C7orf25: variants seen among roughly 807,000 people sequenced by gnomAD.
The protein encoded by C7orf25 is chromosome 7 open reading frame 25, also known as UPF0415 protein C7orf25.
A neutral mutation model predicts 25.5 loss-of-function variants in C7orf25; 14 were observed. The ratio of observed to expected loss-of-function variants is 0.55; its 90% CI spans 0.36 to 0.86. The LOEUF is 0.86. Ranked by LOEUF, C7orf25 falls within the 40% of genes least tolerant of loss-of-function variation. The pLI is 0.01. For missense variants in C7orf25, 405 were observed against 493.9 expected (o/e 0.82, Z 1.71); for synonymous variants, 184 against 179.9 (o/e 1.02, Z -0.18).
Position 42,910,016 on chromosome 7 carries a change from A to G in C7orf25, c.885T>C (p.Phe295=). ...KEQVLPQLEA[F]MKDKELFACE... The stretch of plus-strand genomic sequence containing the variant: ...AAGCAAACAACTCCTTGTCCTTCAT[A>G]AAGGCCTCCAGCTGAGGTAGAACCT... The change falls in exon 2 of 2, where the codon TTT becomes TTC. Residue 295 remains phenylalanine, a synonymous_variant. Transcript: ENST00000350427. 6.2e-7 allele frequency: 1 copy of G among 1,614,136 alleles called. No individual in the cohort carries two copies.
At chr7:42,911,772 C>A in intron 1 of C7orf25, 143 bp downstream of exon 1, 1 of 1,241,254 alleles carries the variant, frequency 8.1e-7, no homozygotes, top group Non-Finnish European at 1.0e-6. Flanking sequence ...AAAGCCCCCA[C>A]CGCCAGCGCC....
chr7:42,911,700 G>GGGCCCTC, intron 1 of C7orf25: 5 of 1,167,482 alleles, frequency 4.3e-6, no homozygotes, highest in Non-Finnish European at 5.3e-6. Flanking sequence ...GTGGGCTGCG[G>GGGCCCTC]GGCCCTCGGC....
chr7:42,911,132 C>G lies in C7orf25; in HGVS notation c.-21-211G>C, dbSNP rs561929379. 3.5e-6 allele frequency: 3 copies of G among 851,812 alleles called. No individual in the cohort carries two copies. The South Asian group carries it at 4.3e-5, about 12-fold the overall frequency. 52.8% of individuals were successfully genotyped at this position (851,812 alleles called of 1,614,324 possible). On this transcript the variant is annotated intron_variant, in intron 1 of 1. Coordinates refer to ENST00000350427, the MANE Select transcript of C7orf25 (RefSeq NM_001099858.2). ...ACACTTTTGAACTCTTCTTTAGGTA[C>G]GTCTGACACACTTTAGACCTTCATT...
chr7:42,911,949 G>C lies in C7orf25; in HGVS notation c.-56C>G. 1.3e-6 allele frequency: 2 copies of C among 1,487,614 alleles called. No individual in the cohort carries two copies. The highest frequency in any genetic ancestry group is 2.1e-4 in the Middle Eastern group (1 of 4,770). 92.2% of individuals were successfully genotyped at this position (1,487,614 alleles called of 1,614,324 possible). On this transcript the variant is annotated 5_prime_UTR_variant, in exon 1 of 2. Coordinates refer to ENST00000350427, the MANE Select transcript of C7orf25 (RefSeq NM_001099858.2). ...CAGAACCGCGAGCGCGAGCACGCAG[G>C]CGCGTGCACGCAGAGGCCGGGACCC... is the stretch of plus-strand genomic sequence containing the variant.
chr7:42,910,650 T>G lies in C7orf25; in HGVS notation c.251A>C (p.Glu84Ala). 6.2e-7 allele frequency: 1 copy of G among 1,614,146 alleles called. No individual in the cohort carries two copies. The highest frequency in any genetic ancestry group is 8.5e-7 in the Non-Finnish European group (1 of 1,180,048). ...AIVESAENLE[E>A]VVSVLHVFGY... ...AAAGACATGAAGAACACTAACAACT[T>G]CTTCCAGGTTTTCTGCTGATTCCAC... The change falls in exon 2 of 2, where the codon GAA becomes GCA. Residue 84 changes from glutamate (E) to alanine (A), a missense_variant. Physicochemically the swap from Glu to Ala is moderately radical, Grantham distance 107 (BLOSUM62 -1). Coordinates refer to ENST00000350427, the MANE Select transcript of C7orf25 (RefSeq NM_001099858.2).
At position 42,910,324 on chromosome 7, in the gene C7orf25, C is replaced by G; in HGVS notation, c.577G>C (p.Val193Leu). Residue 193 changes from valine to leucine, a missense_variant, in exon 2 of 2, where the codon GTA becomes CTA. Transcript: ENST00000350427. The stretch of plus-strand genomic sequence containing the variant: ...TGATCTAACAGAGCGTTGACTGCTA[C>G]TATGTCTCCTCTCACAGATATGCCC... ...EMGISVRGDI[V>L]AVNALLDHPE... 1 of 1,614,208 alleles carries G rather than the reference C, an allele frequency of 6.2e-7. No individual in the cohort carries two copies. The highest frequency in any genetic ancestry group is 1.1e-5 in the South Asian group (1 of 91,084).
Position 42,910,235 on chromosome 7 carries a change from C to A in C7orf25, c.666G>T (p.Val222=), listed in dbSNP as rs1173896750. The A allele has an allele frequency of 6.2e-7, 1 of 1,614,100 alleles. No homozygotes were observed. The highest frequency in any genetic ancestry group is 2.2e-5 in the East Asian group (1 of 44,898). The change falls in exon 2 of 2, where the codon GTG becomes GTT. Residue 222 remains valine (V), a synonymous_variant. Transcript: ENST00000350427. ...GTATATTTTCTCGGTCAACTCTGGT[C>A]ACCTGCAAAAGTTCAGGGCCCTCAT... ...SDDEGPELLQ[V]TRVDRENILA...
chr7:42,910,976 T>A, intron 1 of C7orf25, 55 bp from the exon 2 acceptor site: 3 of 1,601,804 alleles, frequency 1.9e-6, no homozygotes, highest in Non-Finnish European at 2.5e-6. Context: ...TGACAATCAA[T>A]TCTTCACTGG....
Position 42,910,863 on chromosome 7 carries a change from A to G in C7orf25, c.38T>C (p.Ile13Thr). The G allele has an allele frequency of 1.2e-6, 2 of 1,614,098 alleles. No homozygotes were observed. The highest frequency in any genetic ancestry group is 1.7e-6 in the Non-Finnish European group (2 of 1,180,046). The change falls in exon 2 of 2, where the codon ATA becomes ACA. Residue 13 changes from isoleucine (I) to threonine (T), a missense_variant. Coordinates refer to ENST00000350427, the MANE Select transcript of C7orf25 (RefSeq NM_001099858.2). ...TGCTCTCTTGATCAGTTCCTTGGCT[A>G]TGGCGATTCGTTCACAGAGCATGGA... ...AHSMLCERIA[I>T]AKELIKRAES...
At chr7:42,911,379 C>T in intron 1 of C7orf25, 4 of 1,069,220 alleles carry the variant, frequency 3.7e-6, no homozygotes, top group Non-Finnish European at 4.6e-6. Flanking sequence ...AAACTGAGCA[C>T]TTCAGCCTCC....
In C7orf25 at chr7:42,912,045, G is replaced by C; in HGVS notation, c.-152C>G. 1 of 1,461,586 alleles carries C rather than the reference G, an allele frequency of 6.8e-7. No individual in the cohort carries two copies. The highest frequency in any genetic ancestry group is 9.0e-7 in the Non-Finnish European group (1 of 1,114,854). The allele number at this position is 1,461,586 out of a possible 1,614,324, so 90.5% of individuals were successfully genotyped here. On this transcript the variant is annotated 5_prime_UTR_variant, in exon 1 of 2. Transcript: ENST00000350427. ...AGGCGGCTCCACCCGCGCGAGCCCC[G>C]CCGCCTCGGGCACCTCCTGCATCAC...
In C7orf25 at chr7:42,910,048, TC is replaced by T; in HGVS notation, c.852del (p.Glu286SerfsTer11). ...KVLTEQAEQE[R>X]KEQVLPQLEA... ...TCCAGCTGAGGTAGAACCTGCTCTT[TC>T]CTCTCTTGCTCTGCTTGTTCTGTGA... On this transcript the variant is annotated frameshift_variant, in exon 2 of 2. Transcript: ENST00000350427. LOFTEE classifies it high-confidence loss of function. The T allele has an allele frequency of 1.9e-6, 3 of 1,614,206 alleles. No individual in the cohort carries two copies. The highest frequency in any genetic ancestry group is 2.5e-6 in the Non-Finnish European group (3 of 1,180,048).
rs184417612 is a variant in C7orf25, at chr7:42,909,548, T to C, written c.*87A>G. 2.2e-3 allele frequency: 3,035 copies of C among 1,404,422 alleles called. 60 individuals carry two copies. Among genetic ancestry groups the C allele is most frequent in the Non-Finnish European group, 2.6e-4 (269 of 1,037,022 alleles). The allele number at this position is 1,404,422 out of a possible 1,614,324, so 87.0% of individuals were successfully genotyped here. A position where few individuals can be genotyped will look rare whatever the true frequency, so the allele number is the denominator to read the frequency against. ...AGAGTTCTCAGTTTTACTTTTACTA[T>C]AGACCTTTTTTCCCACCAGTTTAGA... On this transcript the variant is annotated 3_prime_UTR_variant, in exon 2 of 2. Coordinates refer to ENST00000350427, the MANE Select transcript of C7orf25 (RefSeq NM_001099858.2).
At chr7:42,911,540 A>C in intron 1 of C7orf25, 1 of 1,001,892 alleles carries the variant, frequency 1.0e-6, no homozygotes, top group South Asian at 4.6e-5. Context: ...ACCGAAGAAG[A>C]CCACCAACTT....
At position 42,909,301 on chromosome 7, in the gene C7orf25, G is replaced by A. The variant is rs1130010; in HGVS notation, c.*334C>T. The A allele has an allele frequency of 0.038, 8,159 of 215,036 alleles. 270 individuals carry two copies. The highest frequency in any genetic ancestry group is 0.096 in the East Asian group (926 of 9,644). The allele number at this position is 215,036 out of a possible 1,614,324, so 13.3% of individuals were successfully genotyped here. A position where few individuals can be genotyped will look rare whatever the true frequency, so the allele number is the denominator to read the frequency against. On this transcript the variant is annotated 3_prime_UTR_variant, in exon 2 of 2. Transcript: ENST00000350427. ...AATTTTCTCCAGATATTTAATGCAAGATGCAATGTAGCCATATTCCATGAA... is the reference window on the plus strand; with the variant it reads ...AATTTTCTCCAGATATTTAATGCAAAATGCAATGTAGCCATATTCCATGAA...
Position 42,912,007 on chromosome 7 carries a change from C to CGCTCGAACGCCGAGGCG in C7orf25, c.-131_-115dup, listed in dbSNP as rs1327718097. On this transcript the variant is annotated 5_prime_UTR_variant, in exon 1 of 2. It introduces an in-frame stop codon into an upstream open reading frame of the 5' UTR. Coordinates refer to ENST00000350427, the MANE Select transcript of C7orf25 (RefSeq NM_001099858.2). ...AATCTCAACCGGGCAGCCCCCACCCCGCTCGAACGCCGAGGCGGCTCCACC... is the reference window on the plus strand; with the variant it reads ...AATCTCAACCGGGCAGCCCCCACCCCGCTCGAACGCCGAGGCGGCTCGAACGCCGAGGCGGCTCCACC... 34 of 1,487,316 alleles carry CGCTCGAACGCCGAGGCG rather than the reference C, an allele frequency of 2.3e-5. No homozygotes were observed. In the African/African-American group the frequency reaches 4.2e-4, roughly 19 times the overall value. 92.1% of individuals were successfully genotyped at this position (1,487,316 alleles called of 1,614,324 possible).
At chr7:42,911,752 C>T (rs1785908352) in intron 1 of C7orf25, 163 bp downstream of exon 1, 2 of 1,226,612 alleles carry the variant, frequency 1.6e-6, no homozygotes, top group Non-Finnish European at 2.0e-6. Context: ...CCAGGAGGGG[C>T]CGGGGCCGAA....
chr7:42,911,950 C>T lies in C7orf25; in HGVS notation c.-57G>A. 2 of 1,488,724 alleles carry T rather than the reference C, an allele frequency of 1.3e-6. No individual in the cohort carries two copies. The highest frequency in any genetic ancestry group is 1.8e-6 in the Non-Finnish European group (2 of 1,127,340). The allele number at this position is 1,488,724 out of a possible 1,614,324, so 92.2% of individuals were successfully genotyped here. ...AGAACCGCGAGCGCGAGCACGCAGG[C>T]GCGTGCACGCAGAGGCCGGGACCCG... On this transcript the variant is annotated 5_prime_UTR_variant, in exon 1 of 2. Transcript: ENST00000350427.
chr7:42,910,425 T>C lies in C7orf25; in HGVS notation c.476A>G (p.Gln159Arg), dbSNP rs1251537056. 6.2e-7 allele frequency: 1 copy of C among 1,614,254 alleles called. No homozygotes were observed. The change falls in exon 2 of 2, where the codon CAG (glutamine) becomes CGG (arginine). Residue 159 changes from glutamine to arginine, a missense_variant. Physicochemically the swap from Gln to Arg is conservative, Grantham distance 43. Coordinates refer to ENST00000350427, the MANE Select transcript of C7orf25 (RefSeq NM_001099858.2). ...AAAGATGATGTGAGGGTTGCTATAC[T>C]GCACTGGCTGCTGGTGACTGGCCTG... Reference protein sequence around the residue: ...FLQASHQQPVQYSNPHIIFAF... With the variant: ...FLQASHQQPVRYSNPHIIFAF...
Sources: gnomAD v4.1 joint callset for allele counts on GRCh38, gnomAD v4.1.1 for gene constraint, MANE v1.5 for transcripts, NCBI Gene and HGNC (gene_info 2026-07-23, HGNC 2026-07-21) for gene names.